BBX: variants seen among roughly 807,000 people sequenced by gnomAD.
BBX encodes the protein BBX high mobility group box domain containing, also known as HMG box transcription factor BBX.
In BBX, 30 loss-of-function variants were observed where a neutral mutation model predicts 100.2. That is an observed-to-expected ratio of 0.30 (90% CI 0.22 to 0.41). The LOEUF (loss-of-function observed/expected upper bound fraction) is 0.41, where lower values mean the gene tolerates loss of function less well. BBX is among the 10% of genes least tolerant of loss of function. BBX has a pLI of 1.00. For synonymous variants in BBX, 376 were observed against 388.1 expected, an observed-to-expected ratio of 0.97 and a Z score of 0.37; for missense variants, 1,023 against 1,129.8, an observed-to-expected ratio of 0.91 and a Z score of 1.35.
chr3:107,780,041 G>GT (rs2067716350), intron 13 of BBX, among the ~76,000 whole-genome samples: 1 of 152,134 alleles, frequency 6.6e-6, no homozygotes, highest in African/African-American at 2.4e-5. Flanking sequence ...GTCGTATCAA[G>GT]ATCTTCCAAG....
chr3:107,785,283 CAAGAA>C (rs2068298380), intron 13 of BBX, among the ~76,000 whole-genome samples: 1 of 151,326 alleles, frequency 6.6e-6, no homozygotes, highest in African/African-American at 2.4e-5. Context: ...CCAGAAATTA[CAAGAA>C]AAGTAAACAC....
At chr3:107,626,654 ATTTT>A (rs11331777) in intron 2 of BBX, among the ~76,000 whole-genome samples, 7 of 131,472 alleles carry the variant, frequency 5.3e-5, no homozygotes, top group Admixed American at 1.5e-4. Context: ...TTTCCATAGG[ATTTT>A]TTTTTTTTTT....
At chr3:107,706,430 T>C in intron 3 of BBX, among the ~76,000 whole-genome samples, 1 of 152,132 alleles carries the variant, frequency 6.6e-6, no homozygotes, top group East Asian at 1.9e-4. Context: ...TGTCCTGCCA[T>C]ACACAGAAAG....
At chr3:107,572,265 A>G (rs556327144) in intron 2 of BBX, among the ~76,000 whole-genome samples, 51 of 152,274 alleles carry the variant, frequency 3.3e-4, no homozygotes, top group South Asian at 8.3e-4. Flanking sequence ...TCCTTTCGTT[A>G]GTTCTCAGAA....
rs145252870 is a variant in BBX, at chr3:107,527,476, C to T, written c.-84+1078C>T. On this transcript the variant is annotated intron_variant, in intron 2 of 17. Coordinates refer to ENST00000325805, the MANE Select transcript of BBX (RefSeq NM_001142568.3). Reference sequence around the variant, plus strand: ...TTGTCTTTGTATTAAGAATATAAAACTGTTGTCTTAGTATTGAGTTAGAGG... The same window carrying T: ...TTGTCTTTGTATTAAGAATATAAAATTGTTGTCTTAGTATTGAGTTAGAGG... Among the ~76,000 whole-genome samples the T allele has an allele frequency of 3.7e-3, 568 of 152,234 alleles. 5 individuals carry two copies. Among genetic ancestry groups the T allele is most frequent in the Middle Eastern group, 0.034 (10 of 294 alleles).
chr3:107,629,640 A>G (rs2056425636), intron 2 of BBX, among the ~76,000 whole-genome samples: 1 of 152,078 alleles, frequency 6.6e-6, no homozygotes, highest in Admixed American at 6.5e-5. Context: ...CATCTATTTA[A>G]TAGTAATCAT....
rs188522395 is a variant in BBX at position 107,788,559 on chromosome 3, G to A, written c.2204-1228G>A. ...GCATTTTGGGAGGCCAAGGTGGGCG[G>A]ATTGCTTGAGCCCAGCCTGGGCAAC... On this transcript the variant is annotated intron_variant, in intron 13 of 17. Coordinates refer to ENST00000325805, the MANE Select transcript of BBX (RefSeq NM_001142568.3). 3.5e-3 allele frequency among the ~76,000 whole-genome samples: 526 copies of A among 151,982 alleles called. 4 individuals carry two copies. The highest frequency in any genetic ancestry group is 5.7e-3 in the Non-Finnish European group (387 of 67,924).
At chr3:107,564,588 C>T (rs941391257) in intron 2 of BBX, among the ~76,000 whole-genome samples, 2 of 152,184 alleles carry the variant, frequency 1.3e-5, no homozygotes, top group Non-Finnish European at 2.9e-5. Context: ...CAATCCTCCA[C>T]ACAGGGGGTG....
intron 2 of BBX, among the ~76,000 whole-genome samples, chr3:107,561,612 A>G (rs980636031): frequency 3.3e-5 from 5 of 152,220 alleles, no homozygotes; most frequent in Non-Finnish European, 2.9e-5. Flanking sequence ...CGCATATTGC[A>G]GAATAATTTT....
Position 107,707,603 on chromosome 3 carries a change from C to T in BBX, c.-9-2849C>T, listed in dbSNP as rs1395876356. On this transcript the variant is annotated intron_variant, in intron 3 of 17. Transcript: ENST00000325805. ...GTAAGTGCCATTAGCAATGTAGAGT[C>T]TTTCTAATGTATTTCTGGGTGAGAA... Among the ~76,000 whole-genome samples, 4 of 152,080 alleles carry T rather than the reference C, an allele frequency of 2.6e-5. No individual in the cohort carries two copies. In the East Asian group the frequency reaches 7.7e-4, roughly 29 times the overall value.
intron 2 of BBX, among the ~76,000 whole-genome samples, chr3:107,532,505 G>T (rs2048231247): frequency 6.6e-6 from 1 of 152,214 alleles, no homozygotes; most frequent in South Asian, 2.1e-4. Flanking sequence ...AGATTGAGAA[G>T]TGTTACATAT....
chr3:107,770,948 T>C (rs1474822282), intron 10 of BBX, among the ~76,000 whole-genome samples: 2 of 152,222 alleles, frequency 1.3e-5, no homozygotes, highest in Non-Finnish European at 2.9e-5. Context: ...ATTTTACAGA[T>C]GGTAATGATC....
chr3:107,548,396 G>C (rs1020588864), intron 2 of BBX, among the ~76,000 whole-genome samples: 1 of 152,176 alleles, frequency 6.6e-6, no homozygotes, highest in Non-Finnish European at 1.5e-5. Flanking sequence ...AGCATACTAT[G>C]TGGTCTGATA....
chr3:107,781,129 T>G (rs1050221382), intron 13 of BBX, among the ~76,000 whole-genome samples: 11 of 152,082 alleles, frequency 7.2e-5, no homozygotes, highest in Admixed American at 7.2e-4. Context: ...TTTGTATGTA[T>G]GCATTTATAT....
intron 2 of BBX, among the ~76,000 whole-genome samples, chr3:107,553,757 CAG>C (rs1452386310): frequency 6.6e-6 from 1 of 152,154 alleles, no homozygotes; most frequent in African/African-American, 2.4e-5. Context: ...TTTTTTGAAA[CAG>C]TATTAATTTT....
At chr3:107,746,864 G>A (rs1361226812) in intron 8 of BBX, among the ~76,000 whole-genome samples, 1 of 152,112 alleles carries the variant, frequency 6.6e-6, no homozygotes, top group Non-Finnish European at 1.5e-5. Context: ...TGTGATGAAA[G>A]AGTTTTGATG....
chr3:107,623,864 T>C (rs1031909315), intron 2 of BBX, among the ~76,000 whole-genome samples: 1 of 152,184 alleles, frequency 6.6e-6, no homozygotes, highest in Non-Finnish European at 1.5e-5. Context: ...AATATAAGAA[T>C]GTAACCTATT....
At chr3:107,713,980 T>C (rs868584320) in intron 4 of BBX, among the ~76,000 whole-genome samples, 5,759 of 133,852 alleles carry the variant, frequency 0.043, 429 homozygotes, top group African/African-American at 0.15. Flanking sequence ...TTTTTTTTTT[T>C]TTTTTTTTTT....
At chr3:107,777,782 T>C (rs2067444317) in intron 12 of BBX, among the ~76,000 whole-genome samples, 1 of 152,204 alleles carries the variant, frequency 6.6e-6, no homozygotes, top group South Asian at 2.1e-4. Context: ...TTCATTCTAG[T>C]CCACTCTCCA....
Sources: allele counts gnomAD v4.1 joint callset (sites outside exome capture counted in the v4.1 genomes callset), GRCh38; gene constraint gnomAD v4.1.1; transcripts MANE v1.5; gene names NCBI Gene and HGNC (gene_info 2026-07-23, HGNC 2026-07-21).